ZNF560: variants seen among roughly 807,000 people sequenced by gnomAD.
ZNF560 encodes zinc finger protein 560.
Under a neutral mutation model 81.8 loss-of-function variants are expected in ZNF560, and 54 were observed. That is an observed-to-expected ratio of 0.66 (90% CI 0.53 to 0.83). The LOEUF (loss-of-function observed/expected upper bound fraction) is 0.83. ZNF560 is among the 40% of genes least tolerant of loss of function. The pLI, the probability that ZNF560 is intolerant of heterozygous loss-of-function variation, is 0.00. For missense variants in ZNF560, 940 were observed against 932.4 expected (o/e 1.01, Z -0.11); for synonymous variants, 321 against 317.9 (o/e 1.01, Z -0.10).
At chr19:9,492,465 A>G (rs2073488539) in intron 2 of ZNF560, among the ~76,000 whole-genome samples, 1 of 152,248 alleles carries the variant, frequency 6.6e-6, no homozygotes, top group Non-Finnish European at 1.5e-5. Context: ...TATACAATGC[A>G]TAATCCATGC....
At chr19:9,480,402 TA>T (rs35284152) in intron 2 of ZNF560, among the ~76,000 whole-genome samples, 101,757 of 151,890 alleles carry the variant, frequency 0.67, 35,030 homozygotes, top group African/African-American at 0.83. Context: ...GCAAAGGATT[TA>T]AAGAGGGCAG....
At position 9,477,449 on chromosome 19, in the gene ZNF560, A is replaced by C. The variant is rs182886620; in HGVS notation, c.-56-2080T>G. 6.0e-4 allele frequency among the ~76,000 whole-genome samples: 91 copies of C among 152,314 alleles called. 1 individual carries two copies. The highest frequency in any genetic ancestry group is 2.1e-3 in the African/African-American group (89 of 41,564). On this transcript the variant is annotated intron_variant, in intron 2 of 9. Coordinates refer to ENST00000301480, the MANE Select transcript of ZNF560 (RefSeq NM_152476.3). ...GGAATTGATACCTGGCTTACTTAAA[A>C]TGTGCTATTCTACTTTTGACTATAA... is the stretch of plus-strand genomic sequence containing the variant.
the ZNF560 span, among the ~76,000 whole-genome samples, chr19:9,447,677 A>G: frequency 2.0e-5 from 3 of 152,126 alleles, no homozygotes; most frequent in Non-Finnish European, 4.4e-5. Flanking sequence ...CAAAGAAAAA[A>G]ATGTAAGGAA....
At chr19:9,451,932 T>A in the ZNF560 span, among the ~76,000 whole-genome samples, 13 of 152,080 alleles carry the variant, frequency 8.5e-5, 1 homozygote, top group African/African-American at 2.9e-4. Context: ...AAAAATTAGC[T>A]GGGCATGGTG....
the ZNF560 span, among the ~76,000 whole-genome samples, chr19:9,506,411 GTTGTTT>G: frequency 4.4e-5 from 4 of 90,658 alleles, no homozygotes; most frequent in African/African-American, 8.7e-5. Context: ...GCACGCTTCT[GTTGTTT>G]TTTTTTTTTT....
rs755056218 is a variant in ZNF560 at position 9,474,184 on chromosome 19, T to C, written c.157+15A>G. The C allele has an allele frequency of 6.2e-6, 10 of 1,614,084 alleles. No individual in the cohort carries two copies. Among genetic ancestry groups the C allele is most frequent in the Non-Finnish European group, 8.5e-6 (10 of 1,179,972 alleles). On this transcript the variant is annotated intron_variant, in intron 4 of 9. Coordinates refer to ENST00000301480, the MANE Select transcript of ZNF560 (RefSeq NM_152476.3). Reference sequence around the variant, plus strand: ...CTCTTCCCTAAGAGGCTGCATAAAATGATGGCAGTCTTACCTACTTTGGCC... The same window carrying C: ...CTCTTCCCTAAGAGGCTGCATAAAACGATGGCAGTCTTACCTACTTTGGCC...
chr19:9,506,414 GT>G, the ZNF560 span, among the ~76,000 whole-genome samples: 15,119 of 138,394 alleles, frequency 0.11, 1,867 homozygotes, highest in African/African-American at 0.34. Flanking sequence ...CGCTTCTGTT[GT>G]TTTTTTTTTT....
chr19:9,451,572 A>G, the ZNF560 span, among the ~76,000 whole-genome samples: 3 of 152,224 alleles, frequency 2.0e-5, no homozygotes, highest in Non-Finnish European at 2.9e-5. Context: ...GAATCTGTGA[A>G]TAAGTCCCCA....
the ZNF560 span, among the ~76,000 whole-genome samples, chr19:9,452,271 G>A: frequency 6.6e-6 from 1 of 152,110 alleles, no homozygotes; most frequent in South Asian, 2.1e-4. Context: ...AAACATGTTG[G>A]CCAGGATGCA....
At chr19:9,477,916 A>C (rs1047077384) in intron 2 of ZNF560, among the ~76,000 whole-genome samples, 7 of 152,198 alleles carry the variant, frequency 4.6e-5, no homozygotes, top group Non-Finnish European at 7.3e-5. Context: ...GACATCATCA[A>C]AAGAGCAAAT....
At chr19:9,474,578 G>C (rs531437987) in intron 3 of ZNF560, among the ~76,000 whole-genome samples, 1 of 152,252 alleles carries the variant, frequency 6.6e-6, no homozygotes, top group Non-Finnish European at 1.5e-5. Context: ...CAGACTGTGA[G>C]TGCTTTCTCA....
At chr19:9,485,845 T>C (rs1368592836) in intron 2 of ZNF560, among the ~76,000 whole-genome samples, 2 of 152,100 alleles carry the variant, frequency 1.3e-5, no homozygotes, top group African/African-American at 4.8e-5. Flanking sequence ...CCCAAAAGAT[T>C]TGTAACCTCA....
chr19:9,449,027 A>T, the ZNF560 span, among the ~76,000 whole-genome samples: 4 of 152,222 alleles, frequency 2.6e-5, no homozygotes, highest in Non-Finnish European at 4.4e-5. Context: ...GTACTTCTAG[A>T]CCTACAAACA....
At chr19:9,489,195 G>C (rs1438189809) in intron 2 of ZNF560, among the ~76,000 whole-genome samples, 1 of 152,258 alleles carries the variant, frequency 6.6e-6, no homozygotes, top group South Asian at 2.1e-4. Context: ...TTCACACTTG[G>C]AGGTTTGCAC....
the ZNF560 span, among the ~76,000 whole-genome samples, chr19:9,506,577 CTAGAGAT>C: frequency 1.3e-5 from 2 of 152,074 alleles, no homozygotes; most frequent in Non-Finnish European, 2.9e-5. Context: ...CTTACCTTTA[CTAGAGAT>C]CTTTATTTCT....
At chr19:9,500,868 C>T (rs1440980944), upstream of ZNF560, among the ~76,000 whole-genome samples, 1 of 152,106 alleles carries the variant, frequency 6.6e-6, no homozygotes, top group Non-Finnish European at 1.5e-5. Flanking sequence ...AGCCACCACG[C>T]CTGGCCAGTT....
the ZNF560 span, among the ~76,000 whole-genome samples, chr19:9,456,946 A>G: frequency 6.6e-6 from 1 of 152,166 alleles, no homozygotes; most frequent in Non-Finnish European, 1.5e-5. Context: ...GTTTGAAGGA[A>G]TCTCTTCAAG....
At chr19:9,487,913 T>C (rs957212787) in intron 2 of ZNF560, among the ~76,000 whole-genome samples, 1 of 152,158 alleles carries the variant, frequency 6.6e-6, no homozygotes, top group Non-Finnish European at 1.5e-5. Flanking sequence ...AACGAAGACA[T>C]CTGGTTGGAT....
chr19:9,448,700 A>G, the ZNF560 span, among the ~76,000 whole-genome samples: 1 of 152,128 alleles, frequency 6.6e-6, no homozygotes, highest in African/African-American at 2.4e-5. Context: ...ACATATCAAT[A>G]TTAGCCTTGA....
Sources: gnomAD v4.1 joint callset for allele counts (sites outside exome capture counted in the v4.1 genomes callset) on GRCh38, gnomAD v4.1.1 for gene constraint, MANE v1.5 for transcripts, NCBI Gene and HGNC (gene_info 2026-07-23, HGNC 2026-07-21) for gene names.